The following CDCA7L variants were observed in gnomAD, a reference collection of about 807,000 sequenced individuals.
CDCA7L encodes cell division cycle-associated 7-like protein.
Under a neutral mutation model 57.4 loss-of-function variants are expected in CDCA7L, and 44 were observed. That is an observed-to-expected ratio of 0.77 (90% confidence interval 0.60 to 0.98). The LOEUF (loss-of-function observed/expected upper bound fraction) is 0.98, where lower values mean the gene tolerates loss of function less well. Among genes scored for constraint, CDCA7L ranks in the 50% least tolerant of loss-of-function variants. The pLI is 0.00. For synonymous variants in CDCA7L, 236 were observed against 202.8 expected (o/e 1.16, Z -1.39); for missense variants, 644 against 580.6 (o/e 1.11, Z -1.12).
chr7:21,918,428 T>A (rs371540753), intron 1 of CDCA7L, among the ~76,000 whole-genome samples: 1 of 152,204 alleles, frequency 6.6e-6, no homozygotes, highest in African/African-American at 2.4e-5. Context: ...TTCTGCCTCA[T>A]TTTTTAAAAA....
At chr7:21,902,568 T>TTCAGAGTTTATTAGAC (rs1784955515) in intron 9 of CDCA7L, 1 of 589,802 alleles carries the variant, frequency 1.7e-6, no homozygotes, top group South Asian at 2.1e-5. Context: ...AGAACCACGA[T>TTCAGAGTTTATTAGAC]TCAGAGTTTA....
intron 1 of CDCA7L, among the ~76,000 whole-genome samples, chr7:21,942,237 C>T (rs1372591103): frequency 1.3e-5 from 2 of 152,184 alleles, no homozygotes; most frequent in African/African-American, 2.4e-5. Context: ...CTGTGAGACT[C>T]CACACTTTAT....
chr7:21,902,471 T>G, intron 9 of CDCA7L, 119 bp from the exon 10 acceptor site: 1 of 967,238 alleles, frequency 1.0e-6, no homozygotes, highest in Non-Finnish European at 1.7e-6. Context: ...CTCCTGACAC[T>G]CGAAATCCTG....
At position 21,904,228 on chromosome 7, in the gene CDCA7L, G is replaced by GTCT; in HGVS notation, c.1076_1078dup (p.Lys359dup). On this transcript the variant is annotated inframe_insertion, in exon 8 of 10. Coordinates refer to ENST00000406877, the MANE Select transcript of CDCA7L (RefSeq NM_018719.5). ...CCGACACACTGTCTTGGTGTCGATG[G>GTCT]TCTTTTGTCGACACTGATGGCACGT... 2 of 1,612,118 alleles carry GTCT rather than the reference G, an allele frequency of 1.2e-6. No homozygotes were observed. The highest frequency in any genetic ancestry group is 1.7e-6 in the Non-Finnish European group (2 of 1,179,036).
intron 2 of CDCA7L, among the ~76,000 whole-genome samples, chr7:21,915,291 G>C (rs567519142): frequency 6.6e-6 from 1 of 152,128 alleles, no homozygotes; most frequent in African/African-American, 2.4e-5. Context: ...AAGGGAAGGA[G>C]AAGTGAGTTT....
intron 6 of CDCA7L, 135 bp downstream of exon 6, chr7:21,906,154 A>C: frequency 1.3e-6 from 1 of 783,864 alleles, no homozygotes; most frequent in East Asian, 2.7e-5. Context: ...CCTGGGAAGC[A>C]GAGAGAAATG....
At chr7:21,903,192 G>C in intron 8 of CDCA7L, 78 bp from the exon 9 acceptor site, 1 of 1,417,532 alleles carries the variant, frequency 7.1e-7, no homozygotes, top group Non-Finnish European at 9.6e-7. Flanking sequence ...ATCCAGAATG[G>C]CTCAGCTGGC....
intron 4 of CDCA7L, among the ~76,000 whole-genome samples, chr7:21,906,900 TG>T (rs1785160082): frequency 6.6e-6 from 1 of 152,182 alleles, no homozygotes; most frequent in Non-Finnish European, 1.5e-5. Flanking sequence ...AAAACAGTCC[TG>T]GAATGATCAA....
Position 21,904,948 on chromosome 7 carries a change from C to A in CDCA7L, c.1047+558G>T, listed in dbSNP as rs150122998. Among the ~76,000 whole-genome samples the A allele has an allele frequency of 1.0e-3, 154 of 152,346 alleles. 1 individual carries two copies. The highest frequency in any genetic ancestry group is 3.6e-3 in the African/African-American group (149 of 41,578). ...GGGCAATGAGCCTTGGGTGGCATCA[C>A]CTCGGCCCCAGCCTAGCTCTGCAGA... On this transcript the variant is annotated intron_variant, in intron 7 of 9. Transcript: ENST00000406877.
At chr7:21,936,048 C>G (rs1281086783) in intron 1 of CDCA7L, among the ~76,000 whole-genome samples, 1 of 151,948 alleles carries the variant, frequency 6.6e-6, no homozygotes, top group African/African-American at 2.4e-5. Flanking sequence ...TTTAAGAGTA[C>G]TATAAACAAC....
At position 21,908,390 on chromosome 7, in the gene CDCA7L, C is replaced by T. The variant is rs987310773; in HGVS notation, c.421G>A (p.Gly141Ser). ...GGGAACTGAAAGGCTACTCGAAGAC[C>T]AATACTACTTCTTCTAGACCTGCTT... ...RRSRSRRSSI[G>S]LRVAFQFPTK... Residue 141 changes from glycine (G) to serine (S), a missense_variant, in exon 4 of 10, where the codon GGT (glycine) becomes AGT (serine). Coordinates refer to ENST00000406877, the MANE Select transcript of CDCA7L (RefSeq NM_018719.5). The T allele has an allele frequency of 2.5e-6, 4 of 1,609,258 alleles. No individual in the cohort carries two copies. The South Asian group carries it at 3.3e-5, about 13-fold the overall frequency.
chr7:21,929,384 G>T (rs934835383), intron 1 of CDCA7L, among the ~76,000 whole-genome samples: 1 of 151,962 alleles, frequency 6.6e-6, no homozygotes, highest in African/African-American at 2.4e-5. Flanking sequence ...ACACTATGAA[G>T]AAACTGCATC....
rs777560167 is a variant in CDCA7L at position 21,911,627 on chromosome 7, G to T, written c.293C>A (p.Pro98Gln). The T allele has an allele frequency of 6.8e-6, 11 of 1,612,216 alleles. No homozygotes were observed. Among genetic ancestry groups the T allele is most frequent in the Non-Finnish European group, 9.3e-6 (11 of 1,179,560 alleles). The part of the protein sequence containing the change: ...TQSDLNGKTN[P>Q]EVMVVESDLS... ...TGTTGTAATTATTACCATTACTTCT[G>T]GGTTAGTCTTTCCATTCAGATCACT... The change falls in exon 3 of 10, where the codon CCA becomes CAA. Residue 98 changes from proline to glutamine, a missense_variant. By Grantham distance (76) the Pro-to-Gln change is moderately conservative. Coordinates refer to ENST00000406877, the MANE Select transcript of CDCA7L (RefSeq NM_018719.5).
In CDCA7L at chr7:21,901,261, A is replaced by G; in HGVS notation, c.*1061T>C. On this transcript the variant is annotated 3_prime_UTR_variant, in exon 10 of 10. Coordinates refer to ENST00000406877, the MANE Select transcript of CDCA7L (RefSeq NM_018719.5). ...TCTGCTTCTAGAAGCGTAAGGTAAC[A>G]CTGGCATTCCTCTAGCCTCTGCTGG... 2.5e-6 allele frequency: 4 copies of G among 1,596,702 alleles called. No homozygotes were observed. The highest frequency in any genetic ancestry group is 3.4e-6 in the Non-Finnish European group (4 of 1,171,592).
intron 1 of CDCA7L, among the ~76,000 whole-genome samples, chr7:21,940,978 C>T (rs1391671035): frequency 6.6e-6 from 1 of 152,184 alleles, no homozygotes; most frequent in East Asian, 1.9e-4. Flanking sequence ...TTATCATAAG[C>T]TTGGTTCTAA....
intron 1 of CDCA7L, among the ~76,000 whole-genome samples, chr7:21,919,220 T>TC: frequency 6.6e-6 from 1 of 152,096 alleles, no homozygotes; most frequent in Non-Finnish European, 1.5e-5. Context: ...TCTCTCACTC[T>TC]CCCCCTTTTC....
rs756608338 is a variant in CDCA7L at position 21,904,101 on chromosome 7, T to C, written c.1197+9A>G. 1 of 1,581,320 alleles carries C rather than the reference T, an allele frequency of 6.3e-7. No individual in the cohort carries two copies. Among genetic ancestry groups the C allele is most frequent in the Non-Finnish European group, 8.6e-7 (1 of 1,165,456 alleles). On this transcript the variant is annotated intron_variant, in intron 8 of 9. Transcript: ENST00000406877. Reference sequence around the variant, plus strand: ...TACAATTTACAACAAATGCAAACACTGTTCCTACCGGGTCCAGCAATGCCG... The same window carrying C: ...TACAATTTACAACAAATGCAAACACCGTTCCTACCGGGTCCAGCAATGCCG...
At chr7:21,928,957 A>G (rs1013791176) in intron 1 of CDCA7L, among the ~76,000 whole-genome samples, 7 of 152,136 alleles carry the variant, frequency 4.6e-5, no homozygotes, top group African/African-American at 1.7e-4. Context: ...TACAAAGAAT[A>G]CCACAAAGAT....
At chr7:21,939,963 CAAAAA>C (rs3062638) in intron 1 of CDCA7L, among the ~76,000 whole-genome samples, 28 of 115,780 alleles carry the variant, frequency 2.4e-4, no homozygotes, top group African/African-American at 3.7e-4. Context: ...AGCTTCAAAC[CAAAAA>C]AAAAAAAAAA....
Sources: gnomAD v4.1 joint callset for allele counts (sites outside exome capture counted in the v4.1 genomes callset) on GRCh38, gnomAD v4.1.1 for gene constraint, MANE v1.5 for transcripts, NCBI Gene and HGNC (gene_info 2026-07-23, HGNC 2026-07-21) for gene names.